Variants in ATG2B observed in about 807,000 individuals in gnomAD.
ATG2B encodes autophagy related 2B, also known as autophagy-related protein 2 homolog B.
A neutral mutation model predicts 241.3 loss-of-function variants in ATG2B; 121 were observed. The observed-to-expected ratio is 0.50, with a 90% CI of 0.43 to 0.58. The LOEUF is 0.58. ATG2B is among the 20% of genes least tolerant of loss of function. The pLI is 0.00. For synonymous variants in ATG2B, 858 were observed against 876.6 expected (o/e 0.98, Z 0.37); for missense variants, 2,306 against 2,491.6 (o/e 0.93, Z 1.59).
intron 6 of ATG2B, among the ~76,000 whole-genome samples, chr14:96,340,503 A>G (rs1035451089): frequency 1.3e-4 from 19 of 151,888 alleles, no homozygotes; most frequent in African/African-American, 4.6e-4. Context: ...AGGGGATCTC[A>G]TGAAGATTCC....
rs1439399847 is a variant in ATG2B at position 96,282,382 on chromosome 14, G to A, written c.*3373C>T. The A allele has an allele frequency of 1.3e-5, 2 of 152,240 alleles. No individual in the cohort carries two copies. The highest frequency in any genetic ancestry group is 6.5e-5 in the Admixed American group (1 of 15,284). The allele number at this position is 152,240 out of a possible 1,614,324, so 9.4% of individuals were successfully genotyped here. A position where few individuals can be genotyped will look rare whatever the true frequency, so the allele number is the denominator to read the frequency against. On this transcript the variant is annotated 3_prime_UTR_variant, in exon 42 of 42. Transcript: ENST00000359933. The stretch of plus-strand genomic sequence containing the variant: ...GAACTTGACGGACATTCTCTCTGAA[G>A]TCTTAAGGAGGTCAAAAGTAATGAA...
At chr14:96,298,187 C>T (rs1323992068) in intron 34 of ATG2B, among the ~76,000 whole-genome samples, 1 of 152,176 alleles carries the variant, frequency 6.6e-6, no homozygotes, top group Non-Finnish European at 1.5e-5. Flanking sequence ...TAAAAAGATG[C>T]TCAGCATCAC....
Position 96,294,015 on chromosome 14 carries a change from C to A in ATG2B, c.5426+945G>T, listed in dbSNP as rs147270336. Among the ~76,000 whole-genome samples the A allele has an allele frequency of 4.3e-3, 652 of 152,290 alleles. 26 individuals are homozygous for A. In the South Asian group the frequency reaches 0.068, roughly 16 times the overall value. On this transcript the variant is annotated intron_variant, in intron 36 of 41. Transcript: ENST00000359933. ...ATGTAGGAAATTAATTTTAAAAGGTCCTTCTTTGGCGGTGGAAAGATTTAG... is the reference window on the plus strand; with the variant it reads ...ATGTAGGAAATTAATTTTAAAAGGTACTTCTTTGGCGGTGGAAAGATTTAG...
chr14:96,301,296 G>A (rs1272750509), intron 34 of ATG2B, among the ~76,000 whole-genome samples: 1 of 114,648 alleles, frequency 8.7e-6, no homozygotes, highest in East Asian at 2.6e-4. Flanking sequence ...TAACTTACCC[G>A]AAGCCATACA....
chr14:96,333,102 C>T (rs1167282149), intron 8 of ATG2B, among the ~76,000 whole-genome samples: 1 of 152,054 alleles, frequency 6.6e-6, no homozygotes, highest in African/African-American at 2.4e-5. Context: ...GTTTTACTCT[C>T]ATGCAAATGA....
chr14:96,323,827 T>C (rs1887519587), intron 16 of ATG2B, 69 bp downstream of exon 16: 1 of 1,019,944 alleles, frequency 9.8e-7, no homozygotes, highest in African/African-American at 1.6e-5. Flanking sequence ...ATAGACAAAA[T>C]GTTGGTTTAA....
chr14:96,328,874 G>T, intron 12 of ATG2B, 108 bp from the exon 13 acceptor site: 1 of 803,562 alleles, frequency 1.2e-6, no homozygotes, highest in African/African-American at 1.8e-5. Flanking sequence ...CTGGTTTTAA[G>T]TTTCATTTTT....
At chr14:96,362,162 T>TA (rs1302961027) in intron 1 of ATG2B, among the ~76,000 whole-genome samples, 3 of 152,170 alleles carry the variant, frequency 2.0e-5, no homozygotes, top group Admixed American at 1.3e-4. Flanking sequence ...TTGCAACACC[T>TA]GCTTTTACGA....
intron 34 of ATG2B, among the ~76,000 whole-genome samples, chr14:96,296,774 A>T (rs1445484433): frequency 2.0e-5 from 3 of 151,848 alleles, no homozygotes; most frequent in Non-Finnish European, 4.4e-5. Flanking sequence ...AAAAAAAAAA[A>T]AACCCAACAA....
chr14:96,290,184 T>C lies in ATG2B; in HGVS notation c.5856+252A>G. The C allele has an allele frequency of 2.3e-6, 3 of 1,290,040 alleles. No individual in the cohort carries two copies. Among genetic ancestry groups the C allele is most frequent in the Non-Finnish European group, 3.0e-6 (3 of 1,015,752 alleles). 79.9% of individuals were successfully genotyped at this position (1,290,040 alleles called of 1,614,324 possible). A position where few individuals can be genotyped will look rare whatever the true frequency, so the allele number is the denominator to read the frequency against. On this transcript the variant is annotated intron_variant, in intron 40 of 41. Transcript: ENST00000359933. The surrounding 1 kb of genome is among the most constrained non-coding windows in gnomAD (Gnocchi z 4.4). ...TTTCATACAAATATGGTGAAATCAA[T>C]CCTCTGCTAACTTAATGTTTACAAT...
At chr14:96,360,756 T>C (rs1484369850) in intron 1 of ATG2B, among the ~76,000 whole-genome samples, 1 of 152,032 alleles carries the variant, frequency 6.6e-6, no homozygotes, top group Non-Finnish European at 1.5e-5. Context: ...TTAGGATCTG[T>C]GAATCTCCGA....
rs753711254 is a variant in ATG2B at position 96,334,431 on chromosome 14, T to G, written c.995A>C (p.Asp332Ala). 2 of 1,610,550 alleles carry G rather than the reference T, an allele frequency of 1.2e-6. No individual in the cohort carries two copies. Among genetic ancestry groups the G allele is most frequent in the Non-Finnish European group, 1.7e-6 (2 of 1,178,590 alleles). ...LSPRQVHLLL[D>A]MLAAIAGPEN... ...TGGTCCAGCAATAGCTGCCAACATA[T>G]CCAAAAGCAAGTGCACCTGTCTTGG... The change falls in exon 7 of 42, where the codon GAT becomes GCT. Residue 332 changes from aspartate to alanine, a missense_variant. This residue lies in a region of ATG2B where 1,927 missense variants were observed against 2,011.2 expected (regional missense o/e 0.96). Transcript: ENST00000359933.
At chr14:96,309,394 C>T (rs1007488053) in intron 29 of ATG2B, 59 bp downstream of exon 29, 2 of 1,532,254 alleles carry the variant, frequency 1.3e-6, no homozygotes, top group Non-Finnish European at 1.8e-6. Flanking sequence ...TACGAGAACA[C>T]AAATAAAGTA....
intron 1 of ATG2B, among the ~76,000 whole-genome samples, chr14:96,354,796 T>C (rs1888429394): frequency 6.6e-6 from 1 of 152,100 alleles, no homozygotes; most frequent in Non-Finnish European, 1.5e-5. Flanking sequence ...GTTTTGTTTT[T>C]GTTGTTATTG....
Position 96,325,692 on chromosome 14 carries a change from G to A in ATG2B, c.2394C>T (p.Thr798=). The A allele has an allele frequency of 6.2e-7, 1 of 1,613,538 alleles. No individual in the cohort carries two copies. Among genetic ancestry groups the A allele is most frequent in the Non-Finnish European group, 8.5e-7 (1 of 1,179,862 alleles). The change falls in exon 15 of 42, where the codon ACC becomes ACT. Residue 798 remains threonine, a synonymous_variant. Transcript: ENST00000359933. ...EFKTEFIGGS[T]PEQIKLELTF... ...TAAGTTCCAATTTAATTTGTTCTGGGGTTGATCCTCCTATAAATTCAGTCT... is the reference window on the plus strand; with the variant it reads ...TAAGTTCCAATTTAATTTGTTCTGGAGTTGATCCTCCTATAAATTCAGTCT...
chr14:96,341,252 C>T (rs1182535577), intron 6 of ATG2B, among the ~76,000 whole-genome samples: 1 of 152,112 alleles, frequency 6.6e-6, no homozygotes, highest in Non-Finnish European at 1.5e-5. Flanking sequence ...AGAGGTTTGT[C>T]AGTTTCGAAT....
At chr14:96,342,926 A>G (rs901659988) in intron 5 of ATG2B, among the ~76,000 whole-genome samples, 193 bp downstream of exon 5, 1 of 152,168 alleles carries the variant, frequency 6.6e-6, no homozygotes, top group Non-Finnish European at 1.5e-5. Context: ...AATACACAGC[A>G]CACTGGTAGG....
chr14:96,355,739 A>G (rs374209626), intron 1 of ATG2B, among the ~76,000 whole-genome samples: 1 of 152,186 alleles, frequency 6.6e-6, no homozygotes, highest in South Asian at 2.1e-4. Context: ...GTGCTTGACA[A>G]TATGAAAAAA....
chr14:96,332,405 C>T lies in ATG2B; in HGVS notation c.1368G>A (p.Gln456=). Residue 456 remains glutamine (Q), a synonymous_variant, in exon 10 of 42, where the codon CAG becomes CAA. Transcript: ENST00000359933. ...GATCAAGGAACTCTCCCCAAGTGGG[C>T]TGAAGCTATAAAAGATTTTTTTTAA... ...AGSPLSATVL[Q]PTWGEFLDHH... is the part of the protein sequence containing the mutation. 3.1e-6 allele frequency: 5 copies of T among 1,613,672 alleles called. No individual in the cohort carries two copies. The highest frequency in any genetic ancestry group is 4.2e-6 in the Non-Finnish European group (5 of 1,179,722).
Sources: allele counts gnomAD v4.1 joint callset (sites outside exome capture counted in the v4.1 genomes callset), GRCh38; gene constraint gnomAD v4.1.1; regional missense constraint gnomAD v4.1.1; non-coding constraint Gnocchi (gnomAD v3.1); transcripts MANE v1.5; gene names NCBI Gene and HGNC (gene_info 2026-07-23, HGNC 2026-07-21).